The following PLXDC2 variants were observed in gnomAD, a reference collection of about 807,000 sequenced individuals.
PLXDC2 encodes plexin domain containing 2.
PLXDC2 carries 40 observed loss-of-function variants against 68.9 expected under a neutral mutation model. The ratio of observed to expected loss-of-function variants is 0.58; its 90% CI spans 0.45 to 0.76. The LOEUF is 0.76. PLXDC2 is among the 30% of genes least tolerant of loss of function. The pLI, the probability that PLXDC2 is intolerant of heterozygous loss-of-function variation, is 0.00. For missense variants in PLXDC2, 644 were observed against 661.9 expected (o/e 0.97, Z 0.30); for synonymous variants, 243 against 234.2 (o/e 1.04, Z -0.34).
intron 2 of PLXDC2, among the ~76,000 whole-genome samples, chr10:20,023,990 C>A (rs993094762): frequency 8.6e-5 from 13 of 152,036 alleles, no homozygotes; most frequent in Non-Finnish European, 1.6e-4. Flanking sequence ...TGTTCCTATT[C>A]TGCAGAATCA....
chr10:20,107,012 T>C (rs1316815167), intron 4 of PLXDC2, among the ~76,000 whole-genome samples: 2 of 148,958 alleles, frequency 1.3e-5, no homozygotes, highest in African/African-American at 4.9e-5. Context: ...ACATGTAGTG[T>C]ATACATATAT....
At chr10:20,039,971 G>A (rs1835650938) in intron 2 of PLXDC2, among the ~76,000 whole-genome samples, 1 of 152,112 alleles carries the variant, frequency 6.6e-6, no homozygotes, top group Admixed American at 6.5e-5. Context: ...AAAATTCTAA[G>A]CATCCAACCA....
At chr10:19,961,428 A>C (rs189310927) in intron 1 of PLXDC2, among the ~76,000 whole-genome samples, 11 of 152,364 alleles carry the variant, frequency 7.2e-5, no homozygotes, top group African/African-American at 2.4e-4. Flanking sequence ...AGTTTCTGAC[A>C]CAAGTGTCAC....
intron 9 of PLXDC2, among the ~76,000 whole-genome samples, chr10:20,192,232 G>A (rs1479936027): frequency 6.6e-6 from 1 of 152,026 alleles, no homozygotes; most frequent in African/African-American, 2.4e-5. Flanking sequence ...GCCTTACCAA[G>A]TATGTGCACA....
intron 13 of PLXDC2, among the ~76,000 whole-genome samples, chr10:20,274,950 T>C (rs984003754): frequency 6.6e-6 from 1 of 152,130 alleles, no homozygotes; most frequent in Non-Finnish European, 1.5e-5. Context: ...AATCCAAATT[T>C]TATGGGTGTG....
At chr10:20,153,412 C>T (rs2131803447) in intron 6 of PLXDC2, among the ~76,000 whole-genome samples, 1 of 152,324 alleles carries the variant, frequency 6.6e-6, no homozygotes, top group Non-Finnish European at 1.5e-5. Flanking sequence ...TTTACGTCTG[C>T]ATTTTCCTTT....
intron 1 of PLXDC2, among the ~76,000 whole-genome samples, chr10:19,885,386 T>G (rs553438734): frequency 0.025 from 3,755 of 152,200 alleles, 133 homozygotes; most frequent in African/African-American, 0.085. Flanking sequence ...TTTTGGCTTT[T>G]GTTGCCATTG....
chr10:20,116,774 T>A (rs1589636657), intron 4 of PLXDC2, among the ~76,000 whole-genome samples: 1 of 152,180 alleles, frequency 6.6e-6, no homozygotes, highest in Non-Finnish European at 1.5e-5. Context: ...TTCTAAATGT[T>A]CTACAAAATA....
Position 19,883,884 on chromosome 10 carries a change from C to CTTTTTTTTTTTTTTTTTTTTTTTTT in PLXDC2, c.112+66696_112+66720dup, listed in dbSNP as rs397846779. Among the ~76,000 whole-genome samples the CTTTTTTTTTTTTTTTTTTTTTTTTT allele has an allele frequency of 1.5e-3, 81 of 55,104 alleles. 29 individuals carry two copies. Among genetic ancestry groups the CTTTTTTTTTTTTTTTTTTTTTTTTT allele is most frequent in the African/African-American group, 3.6e-3 (39 of 10,844 alleles). The allele number at this position is 55,104 out of a possible 152,430, so 36.2% of individuals were successfully genotyped here. On this transcript the variant is annotated intron_variant, in intron 1 of 13. Coordinates refer to ENST00000377252, the MANE Select transcript of PLXDC2 (RefSeq NM_032812.9). The stretch of plus-strand genomic sequence containing the variant: ...ATTACTGTCTCCAGATCCCTTTAAA[C>CTTTTTTTTTTTTTTTTTTTTTTTTT]TTTTTTTTTTTTTTTTTTTTTTTTT...
At chr10:20,164,879 A>G (rs1177979789) in intron 7 of PLXDC2, among the ~76,000 whole-genome samples, 3 of 151,996 alleles carry the variant, frequency 2.0e-5, no homozygotes, top group Non-Finnish European at 4.4e-5. Context: ...GCAGTGGTGC[A>G]CTCACAGCTC....
chr10:19,900,326 A>C (rs1007556293), intron 1 of PLXDC2, among the ~76,000 whole-genome samples: 5 of 152,196 alleles, frequency 3.3e-5, no homozygotes, highest in Non-Finnish European at 7.3e-5. Context: ...TCTTTTAAAC[A>C]ATCAGTTAGT....
At chr10:20,135,652 G>A (rs1833924116) in intron 4 of PLXDC2, among the ~76,000 whole-genome samples, 1 of 152,146 alleles carries the variant, frequency 6.6e-6, no homozygotes, top group Non-Finnish European at 1.5e-5. Flanking sequence ...TTCTGGAGCT[G>A]TGGAGAGCCT....
intron 9 of PLXDC2, among the ~76,000 whole-genome samples, chr10:20,204,659 A>G (rs1834966449): frequency 6.6e-6 from 1 of 152,188 alleles, no homozygotes; most frequent in Non-Finnish European, 1.5e-5. Context: ...AGTTAAGCAA[A>G]CTACAGTAAA....
intron 1 of PLXDC2, among the ~76,000 whole-genome samples, chr10:19,821,162 C>T (rs1836460257): frequency 6.6e-6 from 1 of 152,208 alleles, no homozygotes; most frequent in Non-Finnish European, 1.5e-5. Flanking sequence ...TTAATACAGT[C>T]TCTTCTCCAT....
At chr10:19,969,484 G>C (rs142481632) in intron 1 of PLXDC2, among the ~76,000 whole-genome samples, 2 of 152,202 alleles carry the variant, frequency 1.3e-5, no homozygotes, top group Non-Finnish European at 2.9e-5. Flanking sequence ...AATGGATAAA[G>C]ACATAAATTG....
intron 7 of PLXDC2, among the ~76,000 whole-genome samples, chr10:20,167,387 G>A (rs1383710112): frequency 6.6e-6 from 1 of 152,112 alleles, no homozygotes; most frequent in Non-Finnish European, 1.5e-5. Flanking sequence ...AGTTATACAA[G>A]TACAGTTCTT....
At chr10:19,971,907 C>T (rs562737514) in intron 1 of PLXDC2, among the ~76,000 whole-genome samples, 1 of 152,068 alleles carries the variant, frequency 6.6e-6, no homozygotes, top group African/African-American at 2.4e-5. Context: ...AATGTGTAAT[C>T]TCGCTGGGGA....
intron 13 of PLXDC2, among the ~76,000 whole-genome samples, chr10:20,259,925 G>C (rs1259087055): frequency 3.3e-5 from 5 of 151,894 alleles, no homozygotes; most frequent in Admixed American, 2.6e-4. Flanking sequence ...GGACAACAGA[G>C]ATAAATAAAA....
At chr10:20,178,411 TG>T (rs563184001) in intron 9 of PLXDC2, among the ~76,000 whole-genome samples, 31 of 152,238 alleles carry the variant, frequency 2.0e-4, no homozygotes, top group African/African-American at 5.3e-4. Flanking sequence ...TTCCGGGTAC[TG>T]GGAACACAGC....
Sources: allele counts gnomAD v4.1 joint callset (sites outside exome capture counted in the v4.1 genomes callset), GRCh38; gene constraint gnomAD v4.1.1; transcripts MANE v1.5; gene names NCBI Gene and HGNC (gene_info 2026-07-23, HGNC 2026-07-21).